NLGN1: variants seen among roughly 807,000 people sequenced by gnomAD.
The protein encoded by NLGN1 is neuroligin-1.
Under a neutral mutation model 65.5 loss-of-function variants are expected in NLGN1, and 12 were observed. The observed-to-expected ratio is 0.18, with a 90% CI of 0.12 to 0.30. The LOEUF (loss-of-function observed/expected upper bound fraction) is 0.30. NLGN1 is among the 10% of genes least tolerant of loss of function. The probability of loss-of-function intolerance (pLI) is 1.00; values close to 1 mark genes in which losing one functional copy is unlikely to be tolerated. For missense variants in NLGN1, 750 were observed against 1,007.1 expected, an observed-to-expected ratio of 0.74 and a Z score of 3.46; for synonymous variants, 350 against 359.5, an observed-to-expected ratio of 0.97 and a Z score of 0.30.
intron 4 of NLGN1, among the ~76,000 whole-genome samples, chr3:173,838,865 G>T (rs1326159649): frequency 6.6e-6 from 1 of 152,154 alleles, no homozygotes; most frequent in Non-Finnish European, 1.5e-5. Context: ...AATATGATGA[G>T]CAAGCAGTCT....
chr3:174,266,819 T>C (rs1748339674), intron 4 of NLGN1, among the ~76,000 whole-genome samples: 1 of 152,198 alleles, frequency 6.6e-6, no homozygotes, highest in Non-Finnish European at 1.5e-5. Flanking sequence ...ATTATAAATA[T>C]TTAACTTTTT....
At chr3:173,548,360 A>G (rs2149255847) in intron 2 of NLGN1, among the ~76,000 whole-genome samples, 1 of 152,290 alleles carries the variant, frequency 6.6e-6, no homozygotes, top group Admixed American at 6.5e-5. Context: ...TGCTTCCTAT[A>G]GATCAGCCAG....
intron 4 of NLGN1, among the ~76,000 whole-genome samples, chr3:174,066,556 C>CTGTGTGTGTGTG (rs1176839455): frequency 1.2e-4 from 16 of 133,926 alleles, no homozygotes; most frequent in African/African-American, 4.0e-4. Flanking sequence ...CTCTCTCTCT[C>CTGTGTGTGTGTG]TCTCTCTCTG....
intron 3 of NLGN1, among the ~76,000 whole-genome samples, chr3:173,646,230 A>T (rs190992685): frequency 6.6e-6 from 1 of 152,178 alleles, no homozygotes; most frequent in Non-Finnish European, 1.5e-5. Flanking sequence ...AATTCTCTAT[A>T]CCCAACAAAA....
chr3:173,840,581 G>A (rs1439233732), intron 4 of NLGN1, among the ~76,000 whole-genome samples: 1 of 152,154 alleles, frequency 6.6e-6, no homozygotes, highest in East Asian at 1.9e-4. Flanking sequence ...CTGAAGTCAA[G>A]TTGTAAGGGT....
chr3:173,713,130 C>T (rs1475342736), intron 3 of NLGN1, among the ~76,000 whole-genome samples: 1 of 152,096 alleles, frequency 6.6e-6, no homozygotes, highest in African/African-American at 2.4e-5. Flanking sequence ...AATATCCTCT[C>T]TTTGTATTTA....
intron 4 of NLGN1, among the ~76,000 whole-genome samples, chr3:174,099,718 G>A (rs1406616505): frequency 2.6e-5 from 4 of 152,090 alleles, no homozygotes; most frequent in Middle Eastern, 3.4e-3. Context: ...CAAAGGGAAG[G>A]CTTAATTAAC....
chr3:173,689,813 C>T (rs1429660654), intron 3 of NLGN1, among the ~76,000 whole-genome samples: 1 of 152,052 alleles, frequency 6.6e-6, no homozygotes, highest in Non-Finnish European at 1.5e-5. Flanking sequence ...AAGGAAAGCA[C>T]TTCAGTAATT....
At chr3:173,659,162 G>A (rs571016650) in intron 3 of NLGN1, among the ~76,000 whole-genome samples, 3 of 151,890 alleles carry the variant, frequency 2.0e-5, no homozygotes, top group South Asian at 2.1e-4. Context: ...TAACCAGTGC[G>A]AGTAATAATA....
At chr3:173,516,886 T>C (rs914008393) in intron 2 of NLGN1, among the ~76,000 whole-genome samples, 3 of 152,072 alleles carry the variant, frequency 2.0e-5, no homozygotes, top group Non-Finnish European at 4.4e-5. Flanking sequence ...ATATGAATAA[T>C]ACAAATTGAT....
chr3:173,747,034 T>C (rs1232853697), intron 3 of NLGN1, among the ~76,000 whole-genome samples: 1 of 145,370 alleles, frequency 6.9e-6, no homozygotes, highest in Non-Finnish European at 1.5e-5. Context: ...AGCAAGACCC[T>C]GCCTCAAAAA....
chr3:173,456,867 A>C (rs1722592487), intron 2 of NLGN1, among the ~76,000 whole-genome samples: 1 of 152,056 alleles, frequency 6.6e-6, no homozygotes, highest in Non-Finnish European at 1.5e-5. Context: ...TCTTACCTTA[A>C]AGATGATTAT....
At chr3:173,446,461 A>G (rs1560264598) in intron 2 of NLGN1, among the ~76,000 whole-genome samples, 1 of 152,166 alleles carries the variant, frequency 6.6e-6, no homozygotes, top group Non-Finnish European at 1.5e-5. Context: ...AATCCAGTCT[A>G]TCATTGTTGG....
intron 4 of NLGN1, among the ~76,000 whole-genome samples, chr3:173,851,933 CTTG>C (rs948589785): frequency 2.0e-5 from 3 of 151,456 alleles, no homozygotes; most frequent in East Asian, 1.9e-4. Context: ...CTTGATGTCA[CTTG>C]TTTTTTTTTT....
chr3:174,276,422 T>C (rs1428340553), intron 5 of NLGN1, among the ~76,000 whole-genome samples: 1 of 151,944 alleles, frequency 6.6e-6, no homozygotes, highest in Non-Finnish European at 1.5e-5. Context: ...ATTATTTATG[T>C]ATGATAGGAA....
At chr3:173,702,459 T>A (rs996935179) in intron 3 of NLGN1, among the ~76,000 whole-genome samples, 6 of 152,150 alleles carry the variant, frequency 3.9e-5, no homozygotes, top group Non-Finnish European at 5.9e-5. Flanking sequence ...GTAATTATAA[T>A]TAATTAATAG....
At chr3:173,749,252 G>A (rs983169006) in intron 3 of NLGN1, among the ~76,000 whole-genome samples, 1 of 151,940 alleles carries the variant, frequency 6.6e-6, no homozygotes, top group South Asian at 2.1e-4. Flanking sequence ...ATAACAAGAT[G>A]ATTTATGGCC....
intron 4 of NLGN1, among the ~76,000 whole-genome samples, chr3:174,041,502 A>G (rs1732301640): frequency 6.6e-6 from 1 of 152,188 alleles, no homozygotes; most frequent in Non-Finnish European, 1.5e-5. Flanking sequence ...GTGAATACCT[A>G]GGAATGGAAT....
chr3:174,150,246 C>A (rs1055227028), intron 4 of NLGN1, among the ~76,000 whole-genome samples: 1 of 152,032 alleles, frequency 6.6e-6, no homozygotes, highest in African/African-American at 2.4e-5. Context: ...TATACTGGCA[C>A]CTACAAAAAA....
Sources: gnomAD v4.1 joint callset for allele counts (sites outside exome capture counted in the v4.1 genomes callset) on GRCh38, gnomAD v4.1.1 for gene constraint, MANE v1.5 for transcripts, NCBI Gene and HGNC (gene_info 2026-07-23, HGNC 2026-07-21) for gene names.